The following FBXW4 variants were observed in gnomAD, a reference collection of about 807,000 sequenced individuals.
FBXW4 encodes the protein F-box and WD repeat domain containing 4.
In FBXW4, 40 loss-of-function variants were observed where a neutral mutation model predicts 61.8. That is an observed-to-expected ratio of 0.65 (90% CI 0.50 to 0.84). The LOEUF is 0.84. Ranked by LOEUF, FBXW4 falls within the 40% of genes least tolerant of loss-of-function variation. FBXW4 has a pLI of 0.00. For missense variants in FBXW4, 672 were observed against 753.8 expected (o/e 0.89, Z 1.27); for synonymous variants, 311 against 313.8 (o/e 0.99, Z 0.10).
At position 101,694,719 on chromosome 10, in the gene FBXW4, C is replaced by T; in HGVS notation, c.387G>A (p.Arg129=). 1 of 1,374,802 alleles carries T rather than the reference C, an allele frequency of 7.3e-7. No homozygotes were observed. The highest frequency in any genetic ancestry group is 9.3e-7 in the Non-Finnish European group (1 of 1,072,510). 85.2% of individuals were successfully genotyped at this position (1,374,802 alleles called of 1,614,324 possible). The change falls in exon 1 of 9, where the codon CGG becomes CGA. Residue 129 remains arginine (R), a synonymous_variant. Transcript: ENST00000331272. The surrounding 1 kb of genome is among the most constrained non-coding windows in gnomAD (Gnocchi z 6.0). Reference sequence around the variant, plus strand: ...CTCTTCCCGGCCTGGCGCCCTCCCGCCGCCTAGCCCTGACCCTCCATTCCT... The same window carrying T: ...CTCTTCCCGGCCTGGCGCCCTCCCGTCGCCTAGCCCTGACCCTCCATTCCT... ...KKEEWRVRAR[R]REGARPGRAQ...
intron 5 of FBXW4, chr10:101,625,012 G>A: frequency 1.6e-6 from 1 of 629,408 alleles, no homozygotes. Context: ...AGTGGTGCCT[G>A]GCCAGAAGAC....
chr10:101,614,235 TTAATC>T (rs2063809930), intron 6 of FBXW4, among the ~76,000 whole-genome samples: 1 of 152,210 alleles, frequency 6.6e-6, no homozygotes, highest in Non-Finnish European at 1.5e-5. Context: ...GCTCTCCCCT[TTAATC>T]TATAGAAGTA....
chr10:101,660,429 G>C (rs1282828767), intron 5 of FBXW4, among the ~76,000 whole-genome samples: 2 of 152,098 alleles, frequency 1.3e-5, no homozygotes, highest in Non-Finnish European at 2.9e-5. Context: ...TGAAAGTGCT[G>C]TGGAGACATC....
chr10:101,639,873 GT>G (rs2064036278), intron 5 of FBXW4, among the ~76,000 whole-genome samples: 1 of 152,204 alleles, frequency 6.6e-6, no homozygotes, highest in African/African-American at 2.4e-5. Flanking sequence ...CTTTGGCTTG[GT>G]TTTTCACCTT....
In FBXW4 at chr10:101,672,958, T is replaced by TTGCAATCCACACAGTTCACC; in HGVS notation, c.1077_1096dup (p.Lys366ArgfsTer2). 1 of 1,614,050 alleles carries TTGCAATCCACACAGTTCACC rather than the reference T, an allele frequency of 6.2e-7. No homozygotes were observed. On this transcript the variant is annotated stop_gained and frameshift_variant, in exon 4 of 9. Transcript: ENST00000331272. LOFTEE classifies it high-confidence loss of function. Reference sequence around the variant, plus strand: ...GGAGCCACTCACAATGATGCCCCCTTTGCAATCCACACAGTTCACCTCCTG... The same window carrying TTGCAATCCACACAGTTCACC: ...GGAGCCACTCACAATGATGCCCCCTTTGCAATCCACACAGTTCACCTGCAATCCACACAGTTCACCTCCTG...
intron 5 of FBXW4, among the ~76,000 whole-genome samples, chr10:101,665,535 G>A (rs1373354175): frequency 2.6e-5 from 4 of 152,148 alleles, no homozygotes; most frequent in Non-Finnish European, 4.4e-5. Flanking sequence ...GAGACACATC[G>A]AGACCTTAGC....
At chr10:101,681,443 C>T (rs931727289) in intron 1 of FBXW4, among the ~76,000 whole-genome samples, 6 of 148,630 alleles carry the variant, frequency 4.0e-5, no homozygotes, top group Non-Finnish European at 5.9e-5. Context: ...CTAGGCTGGG[C>T]GCGGTGGCTC....
At position 101,673,048 on chromosome 10, in the gene FBXW4, C is replaced by A. The variant is rs774121423; in HGVS notation, c.1008-1G>T. 1.2e-6 allele frequency: 2 copies of A among 1,613,574 alleles called. No homozygotes were observed. The highest frequency in any genetic ancestry group is 2.7e-5 in the African/African-American group (2 of 74,810). On this transcript the variant is annotated splice_acceptor_variant, in intron 3 of 8. Coordinates refer to ENST00000331272, the MANE Select transcript of FBXW4 (RefSeq NM_022039.4). LOFTEE classifies it high-confidence loss of function. Reference sequence around the variant, plus strand: ...CTTATGAATGCCAATCTTCCCATCCCTAGGAGAGAAATAAGGAGCCGACCC... The same window carrying A: ...CTTATGAATGCCAATCTTCCCATCCATAGGAGAGAAATAAGGAGCCGACCC...
In FBXW4 at chr10:101,694,711, C is replaced by G; in HGVS notation, c.395G>C (p.Gly132Ala). The G allele has an allele frequency of 1.5e-6, 2 of 1,375,126 alleles. No individual in the cohort carries two copies. Among genetic ancestry groups the G allele is most frequent in the East Asian group, 3.1e-5 (1 of 32,502 alleles). The allele number at this position is 1,375,126 out of a possible 1,614,324, so 85.2% of individuals were successfully genotyped here. ...EWRVRARRRE[G>A]ARPGRAQGRG... Reference sequence around the variant, plus strand: ...TCCCTGTGCTCTTCCCGGCCTGGCGCCCTCCCGCCGCCTAGCCCTGACCCT... The same window carrying G: ...TCCCTGTGCTCTTCCCGGCCTGGCGGCCTCCCGCCGCCTAGCCCTGACCCT... The change falls in exon 1 of 9, where the codon GGC becomes GCC. Residue 132 changes from glycine to alanine, a missense_variant. Gly to Ala is a moderately conservative substitution (Grantham distance 60). This residue lies in a region of FBXW4 where 311 missense variants were observed against 301.1 expected (regional missense o/e 1.03). Coordinates refer to ENST00000331272, the MANE Select transcript of FBXW4 (RefSeq NM_022039.4). The surrounding 1 kb of genome is among the most constrained non-coding windows in gnomAD (Gnocchi z 6.0).
intron 5 of FBXW4, among the ~76,000 whole-genome samples, chr10:101,654,604 A>G (rs1046729529): frequency 1.3e-5 from 2 of 152,236 alleles, no homozygotes; most frequent in Non-Finnish European, 2.9e-5. Context: ...GTAAACATCA[A>G]CAGAAATCCA....
chr10:101,640,612 C>G (rs1235697730), intron 5 of FBXW4, among the ~76,000 whole-genome samples: 1 of 148,538 alleles, frequency 6.7e-6, no homozygotes, highest in African/African-American at 2.5e-5. Context: ...GTGTCTTAGC[C>G]TCCCAAATAG....
chr10:101,661,722 G>A (rs2064246479), intron 5 of FBXW4, among the ~76,000 whole-genome samples: 1 of 152,122 alleles, frequency 6.6e-6, no homozygotes, highest in South Asian at 2.1e-4. Context: ...GTTTCGCAAA[G>A]GGGGACACCA....
intron 1 of FBXW4, among the ~76,000 whole-genome samples, chr10:101,683,748 C>T (rs369336513): frequency 3.9e-5 from 6 of 152,160 alleles, no homozygotes; most frequent in African/African-American, 1.4e-4. Flanking sequence ...CCTCTCTGTC[C>T]CATCTCACAG....
At chr10:101,648,490 T>G (rs1174994302) in intron 5 of FBXW4, among the ~76,000 whole-genome samples, 1 of 152,174 alleles carries the variant, frequency 6.6e-6, no homozygotes, top group African/African-American at 2.4e-5. Context: ...CTGATTATAC[T>G]TTGAACATGA....
In FBXW4 at chr10:101,683,640, T is replaced by C. The variant is rs75225896; in HGVS notation, c.726-7204A>G. On this transcript the variant is annotated intron_variant, in intron 1 of 8. Transcript: ENST00000331272. ...TAAATAAACCTAGTCTGAAGAAAAC[T>C]GGCTGGGGGGAAGGAAGGGGAAGTG... Among the ~76,000 whole-genome samples the C allele has an allele frequency of 3.0e-3, 462 of 152,188 alleles. 32 individuals are homozygous for C. In the East Asian group the frequency reaches 0.077, roughly 25 times the overall value.
chr10:101,634,201 C>CA (rs34484310), intron 5 of FBXW4, among the ~76,000 whole-genome samples: 6,456 of 150,738 alleles, frequency 0.043, 198 homozygotes, highest in Non-Finnish European at 0.062. Context: ...ATAAATCTAA[C>CA]AAAAAAAACA....
At chr10:101,684,619 C>G (rs1279954257) in intron 1 of FBXW4, among the ~76,000 whole-genome samples, 4 of 152,166 alleles carry the variant, frequency 2.6e-5, no homozygotes, top group Non-Finnish European at 4.4e-5. Context: ...TTCTTTCTCT[C>G]CAGATTTTTC....
intron 5 of FBXW4, among the ~76,000 whole-genome samples, chr10:101,629,511 T>C (rs2063934290): frequency 6.6e-6 from 1 of 152,118 alleles, no homozygotes; most frequent in African/African-American, 2.4e-5. Context: ...CTCGAACTCC[T>C]GACCTCAAGT....
intron 1 of FBXW4, among the ~76,000 whole-genome samples, chr10:101,690,312 T>C (rs2064582906): frequency 6.6e-6 from 1 of 152,196 alleles, no homozygotes; most frequent in Admixed American, 6.5e-5. Context: ...CCTCTTACTC[T>C]TTAGGGAAAA....
Sources: gnomAD v4.1 joint callset for allele counts (sites outside exome capture counted in the v4.1 genomes callset) on GRCh38, gnomAD v4.1.1 for gene constraint, gnomAD v4.1.1 regional missense constraint, Gnocchi (gnomAD v3.1) non-coding constraint, MANE v1.5 for transcripts, NCBI Gene and HGNC (gene_info 2026-07-23, HGNC 2026-07-21) for gene names.